ATP10B: variants seen among roughly 807,000 people sequenced by gnomAD.
ATP10B encodes phospholipid-transporting ATPase VB.
Under a neutral mutation model 141.2 loss-of-function variants are expected in ATP10B, and 122 were observed. That is an observed-to-expected ratio of 0.86 (90% CI 0.75 to 1.00). The LOEUF is 1.00. ATP10B is among the 50% of genes least tolerant of loss of function. The pLI is 0.00. For synonymous variants in ATP10B, 685 were observed against 692.0 expected (o/e 0.99, Z 0.16); for missense variants, 1,876 against 1,825.3 (o/e 1.03, Z -0.51).
chr5:160,567,835 A>AT (rs1287014413), intron 25 of ATP10B, among the ~76,000 whole-genome samples: 6 of 151,974 alleles, frequency 3.9e-5, no homozygotes, highest in African/African-American at 1.5e-4. Context: ...CTTTGAGCCA[A>AT]TGATAATGGA....
intron 2 of ATP10B, among the ~76,000 whole-genome samples, chr5:160,766,869 G>A (rs1434537848): frequency 2.6e-5 from 4 of 152,100 alleles, no homozygotes; most frequent in Admixed American, 2.0e-4. Flanking sequence ...AGATGACTGT[G>A]GGCACAATGG....
chr5:160,770,338 C>T (rs1769793169), intron 2 of ATP10B, among the ~76,000 whole-genome samples: 1 of 152,078 alleles, frequency 6.6e-6, no homozygotes, highest in Non-Finnish European at 1.5e-5. Context: ...TTCTCATTTC[C>T]TCCATTTATT....
intron 2 of ATP10B, among the ~76,000 whole-genome samples, chr5:160,757,314 T>C (rs1044574550): frequency 6.6e-6 from 1 of 152,214 alleles, no homozygotes; most frequent in Non-Finnish European, 1.5e-5. Context: ...GCCATGAAAG[T>C]AGTTATGCTT....
the ATP10B span, among the ~76,000 whole-genome samples, chr5:160,877,833 A>G: frequency 0.54 from 63,466 of 118,186 alleles, 19,700 homozygotes; most frequent in East Asian, 0.81. Context: ...TACAAGGGAC[A>G]TGAAGGACCT....
intron 3 of ATP10B, 76 bp from the exon 4 acceptor site, chr5:160,689,019 G>T (rs1763924317): frequency 3.7e-6 from 3 of 820,436 alleles, no homozygotes; most frequent in Non-Finnish European, 4.4e-6. Flanking sequence ...ACATCAAAAA[G>T]CTTGTCCACC....
rs1760100913 is a variant in ATP10B, at chr5:160,644,197, A to G, written c.809T>C (p.Leu270Pro). 6.2e-7 allele frequency: 1 copy of G among 1,614,062 alleles called. No individual in the cohort carries two copies. The highest frequency in any genetic ancestry group is 8.5e-7 in the Non-Finnish European group (1 of 1,179,962). ...GTTTCTGATGGTGCAGCCTCGAAGC[A>G]GAAGACTCTCACAGCCAAAGCCAGT... ...TRTGFGCESL[L>P]LRGCTIRNTE... The change falls in exon 9 of 26, where the codon CTG becomes CCG. Residue 270 changes from leucine (L) to proline (P), a missense_variant. Coordinates refer to ENST00000327245, the MANE Select transcript of ATP10B (RefSeq NM_025153.3).
the ATP10B span, among the ~76,000 whole-genome samples, chr5:160,924,845 A>G: frequency 6.2e-4 from 94 of 152,346 alleles, 1 homozygote; most frequent in Admixed American, 6.1e-3. Flanking sequence ...CCAGGTCCAG[A>G]GCTCTGTCTT....
At chr5:160,675,693 G>C (rs1762983419) in intron 6 of ATP10B, among the ~76,000 whole-genome samples, 1 of 152,190 alleles carries the variant, frequency 6.6e-6, no homozygotes, top group Non-Finnish European at 1.5e-5. Context: ...CCCAGGGTGA[G>C]AGAGGAATGC....
At chr5:160,742,646 A>T (rs1268028787) in intron 2 of ATP10B, among the ~76,000 whole-genome samples, 1 of 152,210 alleles carries the variant, frequency 6.6e-6, no homozygotes, top group Non-Finnish European at 1.5e-5. Context: ...GCCACTTCAG[A>T]TGAGGGCAGT....
intron 24 of ATP10B, among the ~76,000 whole-genome samples, chr5:160,580,476 A>T (rs1755472830): frequency 1.3e-5 from 2 of 151,868 alleles, no homozygotes; most frequent in South Asian, 2.1e-4. Flanking sequence ...TTGTTTATGT[A>T]TGTTGAACCA....
intron 2 of ATP10B, among the ~76,000 whole-genome samples, chr5:160,734,710 C>T (rs978039257): frequency 6.6e-6 from 1 of 151,738 alleles, no homozygotes; most frequent in Non-Finnish European, 1.5e-5. Context: ...AACAAAAGAA[C>T]ACATTGAAAC....
chr5:160,682,013 G>T (rs1276961801), intron 6 of ATP10B, among the ~76,000 whole-genome samples: 2 of 152,154 alleles, frequency 1.3e-5, no homozygotes, highest in African/African-American at 2.4e-5. Context: ...TAACACTGAT[G>T]CCAACTGTCA....
At chr5:160,676,672 T>C (rs1279987466) in intron 6 of ATP10B, among the ~76,000 whole-genome samples, 2 of 152,118 alleles carry the variant, frequency 1.3e-5, no homozygotes, top group East Asian at 3.8e-4. Context: ...AGAAAGGCAG[T>C]TTTTCCTAAC....
chr5:160,569,631 A>C lies in ATP10B; in HGVS notation c.3803T>G (p.Val1268Gly), dbSNP rs1247048435. ...LLGSFLMYFL[V>G]SLLYNATCVI... Reference sequence around the variant, plus strand: ...GCAGGTGGCATTGTACAGGAGGGATACCAGAAAGTACATCAGGAAGCTGCC... The same window carrying C: ...GCAGGTGGCATTGTACAGGAGGGATCCCAGAAAGTACATCAGGAAGCTGCC... Residue 1268 changes from valine (V) to glycine (G), a missense_variant, in exon 25 of 26, where the codon GTA (valine) becomes GGA (glycine). Coordinates refer to ENST00000327245, the MANE Select transcript of ATP10B (RefSeq NM_025153.3). The C allele has an allele frequency of 2.5e-6, 4 of 1,607,564 alleles. No homozygotes were observed. The highest frequency in any genetic ancestry group is 2.2e-5 in the South Asian group (2 of 89,946).
At chr5:160,843,250 T>C (rs994070624) in intron 1 of ATP10B, among the ~76,000 whole-genome samples, 1 of 152,128 alleles carries the variant, frequency 6.6e-6, no homozygotes, top group African/African-American at 2.4e-5. Context: ...GCTATGTGTA[T>C]ATGTGGGAAC....
the ATP10B span, among the ~76,000 whole-genome samples, chr5:160,882,358 T>C: frequency 1.3e-5 from 2 of 152,118 alleles, no homozygotes; most frequent in Non-Finnish European, 2.9e-5. Flanking sequence ...GTGTAGGGGA[T>C]GGGATATGTA....
intron 11 of ATP10B, 88 bp from the exon 12 acceptor site, chr5:160,634,694 A>G (rs1759225004): frequency 7.0e-7 from 1 of 1,424,568 alleles, no homozygotes; most frequent in African/African-American, 1.4e-5. Flanking sequence ...GGCATTTCAT[A>G]GAAAGTTGAG....
intron 6 of ATP10B, among the ~76,000 whole-genome samples, chr5:160,674,904 A>T (rs923780872): frequency 1.3e-5 from 2 of 152,208 alleles, no homozygotes; most frequent in African/African-American, 4.8e-5. Context: ...GGGATTAAAA[A>T]ATGAGATCAG....
At chr5:160,800,721 C>T (rs947349506) in intron 1 of ATP10B, among the ~76,000 whole-genome samples, 1 of 152,208 alleles carries the variant, frequency 6.6e-6, no homozygotes, top group African/African-American at 2.4e-5. Flanking sequence ...CTGGATTCCA[C>T]AGAGATAGGC....
Sources: allele counts gnomAD v4.1 joint callset (sites outside exome capture counted in the v4.1 genomes callset), GRCh38; gene constraint gnomAD v4.1.1; transcripts MANE v1.5; gene names NCBI Gene and HGNC (gene_info 2026-07-23, HGNC 2026-07-21).